Variants in STT3B observed in about 807,000 individuals in gnomAD.
STT3B encodes dolichyl-diphosphooligosaccharide--protein glycosyltransferase subunit STT3B.
STT3B carries 29 observed loss-of-function variants against 96.8 expected under a neutral mutation model. The ratio of observed to expected loss-of-function variants is 0.30; its 90% CI spans 0.22 to 0.41. The LOEUF (loss-of-function observed/expected upper bound fraction) is 0.41, where lower values mean the gene tolerates loss of function less well. STT3B is among the 10% of genes least tolerant of loss of function. The probability of loss-of-function intolerance (pLI) is 1.00; values close to 1 mark genes in which losing one functional copy is unlikely to be tolerated. For missense variants in STT3B, 640 were observed against 1,022.3 expected (o/e 0.63, Z 5.10); for synonymous variants, 367 against 360.0 (o/e 1.02, Z -0.22).
chr3:31,605,848 A>G (rs1448082191), intron 5 of STT3B, among the ~76,000 whole-genome samples: 1 of 152,214 alleles, frequency 6.6e-6, no homozygotes, highest in African/African-American at 2.4e-5. Context: ...AGGAGAAGGC[A>G]GGAAAATGTG....
chr3:31,636,000 G>T lies in STT3B; in HGVS notation c.2417G>T (p.Arg806Leu). The change falls in exon 16 of 16, where the codon CGT becomes CTT. Residue 806 changes from arginine to leucine, a missense_variant. This residue lies in a region of STT3B where 51 missense variants were observed against 64.2 expected (regional missense o/e 0.79). Transcript: ENST00000295770. ...YLSKKTTKRKRGYIKNKLVFK... is the reference protein window; with the variant it reads ...YLSKKTTKRKLGYIKNKLVFK... Reference sequence around the variant, plus strand: ...TTTTTATAGACTACCAAAAGGAAGCGTGGCTACATTAAAAATAAGCTGGTT... The same window carrying T: ...TTTTTATAGACTACCAAAAGGAAGCTTGGCTACATTAAAAATAAGCTGGTT... 1 of 1,605,854 alleles carries T rather than the reference G, an allele frequency of 6.2e-7. No individual in the cohort carries two copies. The highest frequency in any genetic ancestry group is 8.5e-7 in the Non-Finnish European group (1 of 1,176,248).
chr3:31,602,729 TGA>T (rs1281759807), intron 5 of STT3B, among the ~76,000 whole-genome samples: 4 of 151,316 alleles, frequency 2.6e-5, no homozygotes, highest in Admixed American at 2.0e-4. Flanking sequence ...GGTTGATTCT[TGA>T]GAGTATTTTA....
At chr3:31,629,047 A>G (rs889987555) in intron 13 of STT3B, among the ~76,000 whole-genome samples, 14 of 152,188 alleles carry the variant, frequency 9.2e-5, no homozygotes, top group African/African-American at 3.1e-4. Context: ...TTGAGGCTGC[A>G]GTGAGCCACA....
rs1261627597 is a variant in STT3B at position 31,538,239 on chromosome 3, T to C, written c.314+4927T>C. ...TGTTACTATGATATGAAGAATGCCA[T>C]CTTTGTTCCCCAACACCATGATAAA... On this transcript the variant is annotated intron_variant, in intron 1 of 15. Transcript: ENST00000295770. Among the ~76,000 whole-genome samples the C allele has an allele frequency of 2.6e-5, 4 of 152,224 alleles. No individual in the cohort carries two copies. The East Asian group carries it at 7.7e-4, about 29-fold the overall frequency.
At position 31,533,312 on chromosome 3, in the gene STT3B, G is replaced by A; in HGVS notation, c.314G>A (p.Trp105Ter). ...AGCATCATCCACGAGTTCGACCCGTGGTAAGTGCCTCGCCGCCCCTCCCCC... is the reference window on the plus strand; with the variant it reads ...AGCATCATCCACGAGTTCGACCCGTAGTAAGTGCCTCGCCGCCCCTCCCCC... ...FESIIHEFDP[W>*]FNYRSTHHLA... The change falls in exon 1 of 16, where the codon TGG becomes TAG. Residue 105 changes from tryptophan (W) to a stop codon, truncating the protein, a stop_gained and splice_region_variant. Transcript: ENST00000295770. LOFTEE classifies it high-confidence loss of function. 6.5e-7 allele frequency: 1 copy of A among 1,528,464 alleles called. No homozygotes were observed. Among genetic ancestry groups the A allele is most frequent in the African/African-American group, 1.4e-5 (1 of 69,678 alleles). 94.7% of individuals were successfully genotyped at this position (1,528,464 alleles called of 1,614,324 possible). A position where few individuals can be genotyped will look rare whatever the true frequency, so the allele number is the denominator to read the frequency against.
intron 1 of STT3B, among the ~76,000 whole-genome samples, chr3:31,535,030 T>G (rs1697052298): frequency 1.3e-5 from 2 of 152,168 alleles, no homozygotes; most frequent in African/African-American, 4.8e-5. Flanking sequence ...AAAGTTCTCT[T>G]TTCAGATTAA....
At chr3:31,566,871 A>C (rs1698019783) in intron 1 of STT3B, among the ~76,000 whole-genome samples, 1 of 152,198 alleles carries the variant, frequency 6.6e-6, no homozygotes, top group Admixed American at 6.6e-5. Flanking sequence ...CCAGTGCTCT[A>C]TTTCCAGTGC....
Position 31,533,223 on chromosome 3 carries a change from C to T in STT3B, c.225C>T (p.Thr75=), listed in dbSNP as rs564276250. 84 of 1,481,742 alleles carry T rather than the reference C, an allele frequency of 5.7e-5. 1 individual carries two copies. Among genetic ancestry groups the T allele is most frequent in the Admixed American group, 2.3e-4 (10 of 42,636 alleles). 91.8% of individuals were successfully genotyped at this position (1,481,742 alleles called of 1,614,324 possible). ...GGTGGCAGTCGCTTCTCTCCTTCAC[C>T]ATCCTCTTCCTGGCCTGGCTTGCCG... The part of the protein sequence containing the change: ...PAGWQSLLSF[T]ILFLAWLAGF... Residue 75 remains threonine (T), a synonymous_variant, in exon 1 of 16, where the codon ACC becomes ACT. Transcript: ENST00000295770.
chr3:31,559,969 C>T (rs1476746341), intron 1 of STT3B, among the ~76,000 whole-genome samples: 1 of 152,032 alleles, frequency 6.6e-6, no homozygotes, highest in Admixed American at 6.5e-5. Flanking sequence ...TGTTTTTTGA[C>T]TTAAAGCCTG....
At chr3:31,630,326 A>G (rs749138757) in intron 14 of STT3B, among the ~76,000 whole-genome samples, 24 of 152,214 alleles carry the variant, frequency 1.6e-4, no homozygotes, top group Non-Finnish European at 2.6e-4. Flanking sequence ...AATTTACTCC[A>G]TTAGTTTCTC....
chr3:31,588,210 C>T (rs979318936), intron 3 of STT3B, among the ~76,000 whole-genome samples: 1 of 152,044 alleles, frequency 6.6e-6, no homozygotes, highest in African/African-American at 2.4e-5. Flanking sequence ...TCCAATAGAA[C>T]TTTCGACTCT....
intron 1 of STT3B, among the ~76,000 whole-genome samples, chr3:31,570,396 C>A (rs1329715573): frequency 6.6e-6 from 1 of 151,980 alleles, no homozygotes; most frequent in Non-Finnish European, 1.5e-5. Context: ...TTAAGGTAGA[C>A]TGGGAGGAGG....
Position 31,623,871 on chromosome 3 carries a change from T to C in STT3B, c.1727+10T>C. 1 of 1,567,842 alleles carries C rather than the reference T, an allele frequency of 6.4e-7. No individual in the cohort carries two copies. Among genetic ancestry groups the C allele is most frequent in the East Asian group, 2.3e-5 (1 of 44,330 alleles). ...CATACAATCATGATGGGTAAGAAAA[T>C]AACTCGGATACAAAAACATTTTATA... On this transcript the variant is annotated intron_variant, in intron 11 of 15. Coordinates refer to ENST00000295770, the MANE Select transcript of STT3B (RefSeq NM_178862.3).
In STT3B at chr3:31,623,621, A is replaced by AT. The variant is rs1699474256; in HGVS notation, c.1540-52dup. On this transcript the variant is annotated intron_variant, in intron 10 of 15. Coordinates refer to ENST00000295770, the MANE Select transcript of STT3B (RefSeq NM_178862.3). ...TCAACTTTTTCCATTGAGTATCTTA[A>AT]TGAAGCAAGTCAAATAATGAATTTG... 4 of 1,403,702 alleles carry AT rather than the reference A, an allele frequency of 2.8e-6. No individual in the cohort carries two copies. The African/African-American group carries it at 5.7e-5, about 20-fold the overall frequency. 87.0% of individuals were successfully genotyped at this position (1,403,702 alleles called of 1,614,324 possible).
intron 5 of STT3B, among the ~76,000 whole-genome samples, chr3:31,608,501 A>G (rs1173447557): frequency 6.6e-6 from 1 of 152,172 alleles, no homozygotes; most frequent in Admixed American, 6.5e-5. Flanking sequence ...TGTGTAGTTC[A>G]CAAGGATTAG....
chr3:31,552,652 T>A (rs938173518), intron 1 of STT3B, among the ~76,000 whole-genome samples: 4 of 152,208 alleles, frequency 2.6e-5, no homozygotes, highest in African/African-American at 9.6e-5. Context: ...ACTTCTCCTC[T>A]TTTCCTGCCT....
chr3:31,567,291 ATAT>A (rs1698029200), intron 1 of STT3B, among the ~76,000 whole-genome samples: 1 of 151,954 alleles, frequency 6.6e-6, no homozygotes, highest in African/African-American at 2.4e-5. Flanking sequence ...TTTACTACTA[ATAT>A]TTGCTGTTCT....
At chr3:31,562,285 T>C (rs1276193217) in intron 1 of STT3B, among the ~76,000 whole-genome samples, 1 of 152,126 alleles carries the variant, frequency 6.6e-6, no homozygotes, top group African/African-American at 2.4e-5. Flanking sequence ...CAATGAGTTG[T>C]GTGGGCTGGT....
In STT3B at chr3:31,533,087, G is replaced by C. The variant is rs1201721189; in HGVS notation, c.89G>C (p.Arg30Pro). ...WSGLMALGNS[R>P]HGHHGPGAQC... is the part of the protein sequence containing the mutation. Reference sequence around the variant, plus strand: ...GGCCTCATGGCCCTGGGAAACAGCCGGCACGGCCACCACGGGCCCGGGGCC... The same window carrying C: ...GGCCTCATGGCCCTGGGAAACAGCCCGCACGGCCACCACGGGCCCGGGGCC... The change falls in exon 1 of 16, where the codon CGG becomes CCG. Residue 30 changes from arginine to proline, a missense_variant. Transcript: ENST00000295770. 6.5e-7 allele frequency: 1 copy of C among 1,533,166 alleles called. No homozygotes were observed. The highest frequency in any genetic ancestry group is 8.8e-7 in the Non-Finnish European group (1 of 1,142,724). 95.0% of individuals were successfully genotyped at this position (1,533,166 alleles called of 1,614,324 possible). A position where few individuals can be genotyped will look rare whatever the true frequency, so the allele number is the denominator to read the frequency against.
Sources: allele counts gnomAD v4.1 joint callset (sites outside exome capture counted in the v4.1 genomes callset), GRCh38; gene constraint gnomAD v4.1.1; regional missense constraint gnomAD v4.1.1; transcripts MANE v1.5; gene names NCBI Gene and HGNC (gene_info 2026-07-23, HGNC 2026-07-21).